The following PARD3B variants were observed in gnomAD, a reference collection of about 807,000 sequenced individuals.
PARD3B encodes the protein par-3 family cell polarity regulator beta, also known as partitioning defective 3 homolog B.
In PARD3B, 103 loss-of-function variants were observed where a neutral mutation model predicts 130.2. The observed-to-expected ratio is 0.79, with a 90% CI of 0.67 to 0.93. The LOEUF (loss-of-function observed/expected upper bound fraction) is 0.93, where lower values mean the gene tolerates loss of function less well. Ranked by LOEUF, PARD3B falls within the 40% of genes least tolerant of loss-of-function variation. PARD3B has a pLI of 0.00. For synonymous variants in PARD3B, 583 were observed against 553.2 expected (o/e 1.05, Z -0.76); for missense variants, 1,609 against 1,499.2 (o/e 1.07, Z -1.21).
chr2:205,313,241 T>C (rs751871301), intron 18 of PARD3B, among the ~76,000 whole-genome samples: 6 of 152,250 alleles, frequency 3.9e-5, no homozygotes, highest in Admixed American at 2.0e-4. Flanking sequence ...ACAGATGGGC[T>C]ACTCATCTGA....
intron 16 of PARD3B, among the ~76,000 whole-genome samples, chr2:205,248,663 G>C (rs1470764294): frequency 7.4e-6 from 1 of 135,300 alleles, no homozygotes; most frequent in African/African-American, 2.8e-5. Flanking sequence ...CTGGAGTGCA[G>C]TGGCGCGATC....
intron 21 of PARD3B, among the ~76,000 whole-genome samples, chr2:205,518,128 G>T (rs898592531): frequency 2.6e-5 from 4 of 152,108 alleles, no homozygotes; most frequent in African/African-American, 4.8e-5. Flanking sequence ...TTCAGGTCCT[G>T]AATATCTTTG....
At position 205,243,139 on chromosome 2, in the gene PARD3B, C is replaced by G. The variant is rs1479490422; in HGVS notation, c.2141-2639C>G. The stretch of plus-strand genomic sequence containing the variant: ...CGAGATCGTGCCATTGCACTTTAGC[C>G]TGGGCAACAAGAGCGAAACTCCGTC... On this transcript the variant is annotated intron_variant, in intron 15 of 22. Transcript: ENST00000406610. Among the ~76,000 whole-genome samples the G allele has an allele frequency of 2.6e-5, 4 of 151,910 alleles. No individual in the cohort carries two copies. The East Asian group carries it at 7.7e-4, about 29-fold the overall frequency.
At chr2:205,065,894 A>G (rs369366061) in intron 4 of PARD3B, among the ~76,000 whole-genome samples, 1 of 152,168 alleles carries the variant, frequency 6.6e-6, no homozygotes, top group Non-Finnish European at 1.5e-5. Context: ...ACCCAATCTC[A>G]GATACTCCAT....
At chr2:204,711,130 C>G (rs2038411770) in intron 2 of PARD3B, among the ~76,000 whole-genome samples, 1 of 152,114 alleles carries the variant, frequency 6.6e-6, no homozygotes, top group Admixed American at 6.5e-5. Context: ...TCCTTTAAGA[C>G]TAAAAATTAA....
intron 2 of PARD3B, among the ~76,000 whole-genome samples, chr2:204,865,972 A>G (rs1369400783): frequency 2.0e-5 from 3 of 152,162 alleles, no homozygotes; most frequent in African/African-American, 7.2e-5. Flanking sequence ...CCTTGCTTTC[A>G]GGACAGATCC....
intron 15 of PARD3B, among the ~76,000 whole-genome samples, chr2:205,202,744 C>A (rs1336277091): frequency 6.6e-6 from 1 of 152,092 alleles, no homozygotes; most frequent in Non-Finnish European, 1.5e-5. Flanking sequence ...CTAGAACATC[C>A]CTAATGCCTA....
chr2:205,521,356 A>G (rs1384961315), intron 21 of PARD3B, among the ~76,000 whole-genome samples: 2 of 151,978 alleles, frequency 1.3e-5, no homozygotes, highest in Non-Finnish European at 2.9e-5. Flanking sequence ...CTAACTTGTT[A>G]AAGTTCTTGA....
chr2:204,687,850 G>A (rs1422239226), intron 2 of PARD3B, among the ~76,000 whole-genome samples: 1 of 152,106 alleles, frequency 6.6e-6, no homozygotes, highest in Admixed American at 6.6e-5. Flanking sequence ...GCCAAAAAAT[G>A]GCAAGTTTAG....
intron 2 of PARD3B, among the ~76,000 whole-genome samples, chr2:204,912,517 A>G (rs2047277352): frequency 6.6e-6 from 1 of 152,182 alleles, no homozygotes; most frequent in South Asian, 2.1e-4. Flanking sequence ...ATACTTTACT[A>G]ACAGTTTCAT....
At chr2:204,700,422 G>A (rs561288688) in intron 2 of PARD3B, among the ~76,000 whole-genome samples, 2 of 152,208 alleles carry the variant, frequency 1.3e-5, no homozygotes, top group South Asian at 4.1e-4. Context: ...CATTTGGTCA[G>A]TAGCACACCT....
intron 10 of PARD3B, among the ~76,000 whole-genome samples, chr2:205,151,004 A>G (rs1255739232): frequency 6.6e-6 from 1 of 152,224 alleles, no homozygotes; most frequent in Non-Finnish European, 1.5e-5. Flanking sequence ...TGTTCTCAAC[A>G]CACACACATA....
intron 15 of PARD3B, among the ~76,000 whole-genome samples, chr2:205,231,727 GTC>G (rs1363273597): frequency 6.6e-6 from 1 of 152,168 alleles, no homozygotes; most frequent in Non-Finnish European, 1.5e-5. Flanking sequence ...CAGTTATTGA[GTC>G]TAAGAAATGG....
In PARD3B at chr2:205,446,942, C is replaced by A. The variant is rs2047927129; in HGVS notation, c.3044+6270C>A. 3.3e-5 allele frequency among the ~76,000 whole-genome samples: 5 copies of A among 152,120 alleles called. No individual in the cohort carries two copies. The South Asian group carries it at 1.0e-3, about 32-fold the overall frequency. Reference sequence around the variant, plus strand: ...TAGAAGGTATATGTGGCACACAGCACAAATGCAGTTTTGCATTAGTTTGTG... The same window carrying A: ...TAGAAGGTATATGTGGCACACAGCAAAAATGCAGTTTTGCATTAGTTTGTG... On this transcript the variant is annotated intron_variant, in intron 20 of 22. Coordinates refer to ENST00000406610, the MANE Select transcript of PARD3B (RefSeq NM_001302769.2). The surrounding 1 kb of genome is among the most constrained non-coding windows in gnomAD (Gnocchi z 4.4).
chr2:205,103,895 A>G (rs966303886), intron 4 of PARD3B: 4 of 238,068 alleles, frequency 1.7e-5, no homozygotes, highest in Admixed American at 6.5e-5. Context: ...CTCTCTCTGA[A>G]GATTATCCTC....
At position 205,288,929 on chromosome 2, in the gene PARD3B, C is replaced by T. The variant is rs987476462; in HGVS notation, c.2186-11601C>T. Among the ~76,000 whole-genome samples the T allele has an allele frequency of 5.1e-4, 78 of 152,274 alleles. No individual in the cohort carries two copies. The highest frequency in any genetic ancestry group is 1.8e-3 in the African/African-American group (73 of 41,550). On this transcript the variant is annotated intron_variant, in intron 16 of 22. Transcript: ENST00000406610. This position sits in a 1 kb window ranked among gnomAD's most constrained non-coding sequence, Gnocchi z 4.0. ...GTGCTCTATGTCAGCATTCTTGGTA[C>T]GTGGTTTGCAGAGATACCTGCTGGC... is the stretch of plus-strand genomic sequence containing the variant.
At chr2:204,903,549 A>C (rs1394028680) in intron 2 of PARD3B, among the ~76,000 whole-genome samples, 7 of 152,164 alleles carry the variant, frequency 4.6e-5, no homozygotes, top group Admixed American at 3.9e-4. Flanking sequence ...TGAATCCCAC[A>C]AGCCAAGAAT....
rs751534704 is a variant in PARD3B, at chr2:205,473,654, A to ATGTGTGTGTG, written c.3045-26224_3045-26215dup. ...TGTTTCCCAATATAAGGTTATATATATGTGTGTGTGTGTGTGTGTGTGTGT... is the reference window on the plus strand; with the variant it reads ...TGTTTCCCAATATAAGGTTATATATATGTGTGTGTGTGTGTGTGTGTGTGTGTGTGTGTGT... On this transcript the variant is annotated intron_variant, in intron 20 of 22. Coordinates refer to ENST00000406610, the MANE Select transcript of PARD3B (RefSeq NM_001302769.2). This position sits in a 1 kb window ranked among gnomAD's most constrained non-coding sequence, Gnocchi z 4.9. 1.6e-5 allele frequency among the ~76,000 whole-genome samples: 2 copies of ATGTGTGTGTG among 123,676 alleles called. No homozygotes were observed. Among genetic ancestry groups the ATGTGTGTGTG allele is most frequent in the African/African-American group, 3.5e-5 (1 of 28,308 alleles). The allele number at this position is 123,676 out of a possible 152,430, so 81.1% of individuals were successfully genotyped here. A position where few individuals can be genotyped will look rare whatever the true frequency, so the allele number is the denominator to read the frequency against.
At chr2:204,772,635 A>T (rs1409598203) in intron 2 of PARD3B, among the ~76,000 whole-genome samples, 2 of 152,176 alleles carry the variant, frequency 1.3e-5, no homozygotes, top group African/African-American at 4.8e-5. Context: ...GCAGTAACAG[A>T]TAGGATTTAG....
Sources: allele counts gnomAD v4.1 joint callset (sites outside exome capture counted in the v4.1 genomes callset), GRCh38; gene constraint gnomAD v4.1.1; non-coding constraint Gnocchi (gnomAD v3.1); transcripts MANE v1.5; gene names NCBI Gene and HGNC (gene_info 2026-07-23, HGNC 2026-07-21).